The following DOT1L variants were observed in gnomAD, a reference collection of about 807,000 sequenced individuals.
DOT1L encodes the protein DOT1 like histone lysine methyltransferase.
In DOT1L, 33 loss-of-function variants were observed where a neutral mutation model predicts 153.3. The observed-to-expected ratio is 0.22, with a 90% CI of 0.16 to 0.29. The LOEUF (loss-of-function observed/expected upper bound fraction) is 0.29, where lower values mean the gene tolerates loss of function less well. Ranked by LOEUF, DOT1L falls within the 10% of genes least tolerant of loss-of-function variation. DOT1L has a pLI of 1.00. For missense variants in DOT1L, 1,847 were observed against 2,119.9 expected, an observed-to-expected ratio of 0.87 and a Z score of 2.53; for synonymous variants, 1,135 against 965.1, an observed-to-expected ratio of 1.18 and a Z score of -3.26.
intron 8 of DOT1L, 64 bp downstream of exon 8, chr19:2,200,003 G>T: frequency 6.3e-7 from 1 of 1,588,906 alleles, no homozygotes; most frequent in Non-Finnish European, 8.6e-7. Context: ...CGGTGGCCAT[G>T]GCACCGGGGA....
At chr19:2,169,701 A>G (rs1019554593) in intron 1 of DOT1L, among the ~76,000 whole-genome samples, 1 of 152,136 alleles carries the variant, frequency 6.6e-6, no homozygotes, top group Non-Finnish European at 1.5e-5. Flanking sequence ...GCTGCTCATC[A>G]GAGTGTATAT....
intron 2 of DOT1L, among the ~76,000 whole-genome samples, chr19:2,184,034 C>T (rs188576114): frequency 3.3e-5 from 5 of 152,324 alleles, no homozygotes; most frequent in East Asian, 1.9e-4. Flanking sequence ...GCGGTGTCCG[C>T]GCGTATTCCT....
At chr19:2,210,363 C>T in intron 12 of DOT1L, 37 bp from the exon 13 acceptor site, 2 of 1,476,070 alleles carry the variant, frequency 1.4e-6, no homozygotes, top group Non-Finnish European at 1.8e-6. Context: ...GTGGGCAGCG[C>T]TGGGGCTTCC....
At chr19:2,210,883 G>T in intron 14 of DOT1L, 28 bp downstream of exon 14, 1 of 1,607,200 alleles carries the variant, frequency 6.2e-7, no homozygotes, top group Non-Finnish European at 8.5e-7. Flanking sequence ...CACGGCCCCC[G>T]CTCTCCCCGA....
Position 2,164,232 on chromosome 19 carries a change from G to A in DOT1L, c.48G>A (p.Glu16=), listed in dbSNP as rs1161212457. Residue 16 remains glutamate (E), a synonymous_variant, in exon 1 of 28, where the codon GAG becomes GAA. Coordinates refer to ENST00000398665, the MANE Select transcript of DOT1L (RefSeq NM_032482.3). The part of the protein sequence containing the change: ...ELRLKSPVGA[E]PAVYPWPLPV... The stretch of plus-strand genomic sequence containing the variant: ...GACTGAAGTCGCCCGTGGGGGCTGA[G>A]CCCGCCGTCTACCCGTGGCCGCTGC... 1 of 1,289,672 alleles carries A rather than the reference G, an allele frequency of 7.8e-7. No individual in the cohort carries two copies. The highest frequency in any genetic ancestry group is 3.0e-5 in the East Asian group (1 of 33,820). 79.9% of individuals were successfully genotyped at this position (1,289,672 alleles called of 1,614,324 possible).
rs377201138 is a variant in DOT1L, at chr19:2,209,537, G to C, written c.1005+561G>C. 2.0e-5 allele frequency among the ~76,000 whole-genome samples: 3 copies of C among 152,198 alleles called. No homozygotes were observed. In the East Asian group the frequency reaches 5.8e-4, roughly 29 times the overall value. ...CAGAGTGCAGCTCCTGGGCCCCCGCGCCCTGCACGCGCTGCACCGTCGGAG... is the reference window on the plus strand; with the variant it reads ...CAGAGTGCAGCTCCTGGGCCCCCGCCCCCTGCACGCGCTGCACCGTCGGAG... On this transcript the variant is annotated intron_variant, in intron 12 of 27. Transcript: ENST00000398665.
Position 2,226,870 on chromosome 19 carries a change from C to T in DOT1L, c.4349C>T (p.Ser1450Phe). 6.4e-7 allele frequency: 1 copy of T among 1,573,924 alleles called. No individual in the cohort carries two copies. Among genetic ancestry groups the T allele is most frequent in the Non-Finnish European group, 8.6e-7 (1 of 1,168,060 alleles). The change falls in exon 27 of 28, where the codon TCC (serine) becomes TTC (phenylalanine). Residue 1450 changes from serine to phenylalanine, a missense_variant. Physicochemically the swap from Ser to Phe is radical, Grantham distance 155 (BLOSUM62 -2). Transcript: ENST00000398665. ...SGPGLAPAASSAGGAASSAQT... is the reference protein window; with the variant it reads ...SGPGLAPAASFAGGAASSAQT... Reference sequence around the variant, plus strand: ...CCCGGCCTGGCCCCGGCGGCGTCCTCCGCAGGCGGCGCGGCGTCCTCCGCC... The same window carrying T: ...CCCGGCCTGGCCCCGGCGGCGTCCTTCGCAGGCGGCGCGGCGTCCTCCGCC...
At chr19:2,200,244 C>T (rs76569620) in intron 8 of DOT1L, among the ~76,000 whole-genome samples, 3,627 of 152,204 alleles carry the variant, frequency 0.024, 64 homozygotes, top group Non-Finnish European at 0.037. Context: ...TCCTGGGCCT[C>T]CTCCCCGCTC....
chr19:2,202,853 G>A (rs1281566143), intron 9 of DOT1L, 74 bp downstream of exon 9: 2 of 1,500,812 alleles, frequency 1.3e-6, no homozygotes, highest in Admixed American at 1.7e-5. Context: ...TCCCCGCAGG[G>A]TGTCCTGCAG....
In DOT1L at chr19:2,196,860, C is replaced by T. The variant is rs139416142; in HGVS notation, c.651+2283C>T. Among the ~76,000 whole-genome samples, 31 of 152,316 alleles carry T rather than the reference C, an allele frequency of 2.0e-4. No individual in the cohort carries two copies. The East Asian group carries it at 4.8e-3, about 24-fold the overall frequency. ...CGGAGCACGGTGTTAGCGGCGGGCT[C>T]GTGTGGATGCTCTCCCTCGGGTGGA... On this transcript the variant is annotated intron_variant, in intron 7 of 27. Transcript: ENST00000398665.
chr19:2,176,162 G>A (rs925423319), intron 1 of DOT1L, among the ~76,000 whole-genome samples: 5 of 152,146 alleles, frequency 3.3e-5, no homozygotes, highest in Admixed American at 6.5e-5. Flanking sequence ...GAATGTCACC[G>A]CTTGGCCTTT....
At chr19:2,166,288 G>T (rs146526444) in intron 1 of DOT1L, among the ~76,000 whole-genome samples, 1 of 150,558 alleles carries the variant, frequency 6.6e-6, no homozygotes, top group Non-Finnish European at 1.5e-5. Context: ...TAGAGACGGG[G>T]TTTCTCCATG....
intron 27 of DOT1L, chr19:2,227,580 G>C: frequency 1.2e-6 from 1 of 844,896 alleles, no homozygotes; most frequent in Non-Finnish European, 1.6e-6. Flanking sequence ...CGGAGGGCGG[G>C]CCACCACGAG....
chr19:2,200,548 G>A (rs12982300), intron 8 of DOT1L, among the ~76,000 whole-genome samples: 46,169 of 152,066 alleles, frequency 0.3, 8,728 homozygotes, highest in Middle Eastern at 0.43. Flanking sequence ...CAGCACTCCA[G>A]CGTGTGCCAG....
intron 8 of DOT1L, among the ~76,000 whole-genome samples, chr19:2,202,339 G>A (rs568609665): frequency 9.1e-4 from 138 of 152,354 alleles, no homozygotes; most frequent in Middle Eastern, 3.4e-3. Flanking sequence ...CCCGTGCTGG[G>A]CCTCTGTTTT....
chr19:2,217,052 G>C lies in DOT1L; in HGVS notation c.2506G>C (p.Gly836Arg), dbSNP rs758903115. 1 of 1,611,240 alleles carries C rather than the reference G, an allele frequency of 6.2e-7. No individual in the cohort carries two copies. Among genetic ancestry groups the C allele is most frequent in the African/African-American group, 1.3e-5 (1 of 74,890 alleles). Residue 836 changes from glycine to arginine, a missense_variant, in exon 21 of 28, where the codon GGG becomes CGG. By Grantham distance (125) the Gly-to-Arg change is moderately radical (BLOSUM62 -2). This residue lies in a region of DOT1L where 281 missense variants were observed against 263.6 expected (regional missense o/e 1.07). Coordinates refer to ENST00000398665, the MANE Select transcript of DOT1L (RefSeq NM_032482.3). This position sits in a 1 kb window ranked among gnomAD's most constrained non-coding sequence, Gnocchi z 7.3. ...TCAGGACCCGCGGCCCCTGTCCCCT[G>C]GGGCCTTGCAGCTTGCTGGAGAGAA... ...SPQDPRPLSPGALQLAGEKSS... is the reference protein window; with the variant it reads ...SPQDPRPLSPRALQLAGEKSS...
At chr19:2,198,626 C>T (rs2023117467) in intron 7 of DOT1L, among the ~76,000 whole-genome samples, 1 of 152,234 alleles carries the variant, frequency 6.6e-6, no homozygotes. Flanking sequence ...GGCGCGAGGC[C>T]TGTGGCTGTT....
chr19:2,220,037 C>G lies in DOT1L; in HGVS notation c.2692-71C>G. The G allele has an allele frequency of 7.0e-7, 1 of 1,422,820 alleles. No individual in the cohort carries two copies. Among genetic ancestry groups the G allele is most frequent in the Non-Finnish European group, 9.6e-7 (1 of 1,038,418 alleles). 88.1% of individuals were successfully genotyped at this position (1,422,820 alleles called of 1,614,324 possible). ...AGCCAGCTGCAGGCCTCAACACTCA[C>G]TGTTTCCAGCTGGGTTCTGGGTCTC... On this transcript the variant is annotated intron_variant, in intron 22 of 27. Transcript: ENST00000398665. This position sits in a 1 kb window ranked among gnomAD's most constrained non-coding sequence, Gnocchi z 4.5.
chr19:2,216,755 C>T lies in DOT1L; in HGVS notation c.2398C>T (p.Leu800=), dbSNP rs957827015. 1.3e-6 allele frequency: 2 copies of T among 1,591,622 alleles called. No individual in the cohort carries two copies. Among genetic ancestry groups the T allele is most frequent in the Admixed American group, 1.7e-5 (1 of 59,650 alleles). ...TVPGRPAASE[L]HSRAEHTKEN... ...GCCCGGCAGGCCGGCTGCCAGTGAG[C>T]TGCATTCGAGGTGAGTGCCCTGGTG... Residue 800 remains leucine, a synonymous_variant, in exon 20 of 28, where the codon CTG becomes TTG. Coordinates refer to ENST00000398665, the MANE Select transcript of DOT1L (RefSeq NM_032482.3).
Sources: allele counts gnomAD v4.1 joint callset (sites outside exome capture counted in the v4.1 genomes callset), GRCh38; gene constraint gnomAD v4.1.1; regional missense constraint gnomAD v4.1.1; non-coding constraint Gnocchi (gnomAD v3.1); transcripts MANE v1.5; gene names NCBI Gene and HGNC (gene_info 2026-07-23, HGNC 2026-07-21).